Variants in PDE9A observed in about 807,000 individuals in gnomAD.
PDE9A encodes phosphodiesterase 9A.
In PDE9A, 60 loss-of-function variants were observed where a neutral mutation model predicts 87.4. The ratio of observed to expected loss-of-function variants is 0.69; its 90% CI spans 0.56 to 0.85. The LOEUF (loss-of-function observed/expected upper bound fraction) is 0.85, where lower values mean the gene tolerates loss of function less well. PDE9A is among the 40% of genes least tolerant of loss of function. The pLI is 0.00. For synonymous variants in PDE9A, 272 were observed against 279.4 expected, an observed-to-expected ratio of 0.97 and a Z score of 0.27; for missense variants, 665 against 779.0, an observed-to-expected ratio of 0.85 and a Z score of 1.74.
At chr21:42,769,589 CACACAGGCACACAAATGCACATGCAG>C (rs1347754002) in intron 17 of PDE9A, among the ~76,000 whole-genome samples, 16 of 150,142 alleles carry the variant, frequency 1.1e-4, no homozygotes, top group African/African-American at 2.2e-4. Context: ...CACACAGGTA[CACACAGGCACACAAATGCACATGCAG>C]GTACACATGC....
chr21:42,727,077 C>CAAAAAAAA (rs34249348), intron 4 of PDE9A, among the ~76,000 whole-genome samples: 2 of 81,686 alleles, frequency 2.4e-5, no homozygotes, highest in African/African-American at 9.7e-5. Flanking sequence ...TCTATTTCTA[C>CAAAAAAAA]AAAAAAAAAA....
At chr21:42,768,431 AG>A (rs2147178243) in intron 16 of PDE9A, 139 bp downstream of exon 16, 1 of 1,057,084 alleles carries the variant, frequency 9.5e-7, no homozygotes, top group Non-Finnish European at 1.3e-6. Context: ...GAAAGCCTTC[AG>A]GGTAAGCGTA....
intron 1 of PDE9A, among the ~76,000 whole-genome samples, chr21:42,680,307 A>G (rs144345780): frequency 8.5e-4 from 129 of 152,386 alleles, no homozygotes; most frequent in African/African-American, 2.8e-3. Flanking sequence ...GGCTTAAGGC[A>G]GCCCCCTGCT....
At chr21:42,761,038 C>T in intron 13 of PDE9A, 131 bp downstream of exon 13, 1 of 688,732 alleles carries the variant, frequency 1.5e-6, no homozygotes, top group Non-Finnish European at 2.6e-6. Flanking sequence ...CCCAACTCTG[C>T]CTCCACTGAC....
intron 4 of PDE9A, among the ~76,000 whole-genome samples, chr21:42,714,347 G>A (rs1043341661): frequency 7.9e-5 from 12 of 152,260 alleles, no homozygotes; most frequent in African/African-American, 1.9e-4. Context: ...AGATCTAAAC[G>A]TATCACATGC....
intron 7 of PDE9A, among the ~76,000 whole-genome samples, chr21:42,742,932 C>G (rs2053471668): frequency 6.6e-6 from 1 of 152,170 alleles, no homozygotes; most frequent in African/African-American, 2.4e-5. Flanking sequence ...CTCGTAGTCT[C>G]CAGCTGCGTG....
intron 16 of PDE9A, chr21:42,768,788 C>T (rs1602579344): frequency 1.0e-6 from 1 of 985,406 alleles, no homozygotes; most frequent in Non-Finnish European, 1.2e-6. Flanking sequence ...TCCTGGGATA[C>T]ATCCATCCAA....
intron 3 of PDE9A, chr21:42,697,355 A>C: frequency 1.0e-6 from 1 of 996,634 alleles, no homozygotes; most frequent in Non-Finnish European, 1.6e-6. Flanking sequence ...GCCCCCAGTT[A>C]ATCACCATGA....
At position 42,656,825 on chromosome 21, in the gene PDE9A, G is replaced by A. The variant is rs550857917; in HGVS notation, c.69+2942G>A. 7.2e-5 allele frequency among the ~76,000 whole-genome samples: 11 copies of A among 152,316 alleles called. 1 individual carries two copies. In the East Asian group the frequency reaches 1.5e-3, roughly 21 times the overall value. On this transcript the variant is annotated intron_variant, in intron 1 of 19. Coordinates refer to ENST00000291539, the MANE Select transcript of PDE9A (RefSeq NM_002606.3). ...TGCCCTGGAGTCCAACTGAGGCTCCGTTTTCAGTGCTCCCCTCTCATCTCG... is the reference window on the plus strand; with the variant it reads ...TGCCCTGGAGTCCAACTGAGGCTCCATTTTCAGTGCTCCCCTCTCATCTCG...
chr21:42,673,856 C>A (rs2058693971), intron 1 of PDE9A, among the ~76,000 whole-genome samples: 1 of 152,196 alleles, frequency 6.6e-6, no homozygotes, highest in Admixed American at 6.5e-5. Flanking sequence ...ACTCGCTGGC[C>A]TGCAGGACAT....
In PDE9A at chr21:42,722,488, G is replaced by A. The variant is rs1410848583; in HGVS notation, c.263-9282G>A. On this transcript the variant is annotated intron_variant, in intron 4 of 19. Coordinates refer to ENST00000291539, the MANE Select transcript of PDE9A (RefSeq NM_002606.3). The surrounding 1 kb of genome is among the most constrained non-coding windows in gnomAD (Gnocchi z 4.1). ...AGAATGGATCGTGCATGAGCTCCCA[G>A]GCCACACACACACGCCCTTGTGATG... 2.0e-5 allele frequency among the ~76,000 whole-genome samples: 3 copies of A among 152,158 alleles called. No homozygotes were observed. The highest frequency in any genetic ancestry group is 7.2e-5 in the African/African-American group (3 of 41,436).
chr21:42,662,333 C>T (rs1431154633), intron 1 of PDE9A, among the ~76,000 whole-genome samples: 1 of 152,038 alleles, frequency 6.6e-6, no homozygotes, highest in East Asian at 1.9e-4. Context: ...CTCTGCTTCC[C>T]AGGTTAGCTC....
chr21:42,761,096 A>C (rs1353743233), intron 13 of PDE9A, among the ~76,000 whole-genome samples, 189 bp downstream of exon 13: 1 of 152,126 alleles, frequency 6.6e-6, no homozygotes. Flanking sequence ...GTCTCCCCGG[A>C]GTAGGAACTT....
intron 1 of PDE9A, among the ~76,000 whole-genome samples, chr21:42,654,285 G>T (rs1051522754): frequency 1.3e-5 from 2 of 152,088 alleles, no homozygotes; most frequent in African/African-American, 4.8e-5. Flanking sequence ...GGTGCGGGGG[G>T]CGCCGGCGGG....
chr21:42,738,764 C>G (rs566455092), intron 7 of PDE9A, among the ~76,000 whole-genome samples: 1 of 152,322 alleles, frequency 6.6e-6, no homozygotes, highest in South Asian at 2.1e-4. Context: ...TGGCCCACTG[C>G]AACCTCCACC....
intron 3 of PDE9A, among the ~76,000 whole-genome samples, chr21:42,697,048 C>T (rs1373477473): frequency 6.6e-6 from 1 of 152,186 alleles, no homozygotes; most frequent in Non-Finnish European, 1.5e-5. Context: ...CACGCAGGCA[C>T]GTGGTGGGAG....
rs531438581 is a variant in PDE9A, at chr21:42,673,585, C to T, written c.70-12607C>T. ...CAGTTGGGCAAATCATAATAGTTTC[C>T]ATTATTTCATAAATTTGCATTTGTG... On this transcript the variant is annotated intron_variant, in intron 1 of 19. Transcript: ENST00000291539. Among the ~76,000 whole-genome samples, 3 of 152,320 alleles carry T rather than the reference C, an allele frequency of 2.0e-5. No homozygotes were observed. In the South Asian group the frequency reaches 6.2e-4, roughly 32 times the overall value.
intron 10 of PDE9A, among the ~76,000 whole-genome samples, chr21:42,755,768 G>A (rs1241939939): frequency 3.3e-5 from 5 of 152,192 alleles, no homozygotes; most frequent in East Asian, 3.9e-4. Context: ...CTCCCAGCCT[G>A]TGGGCAACCG....
rs536891749 is a variant in PDE9A at position 42,670,202 on chromosome 21, CAT to C, written c.70-15988_70-15987del. 3.5e-3 allele frequency among the ~76,000 whole-genome samples: 454 copies of C among 130,998 alleles called. 6 individuals carry two copies. The East Asian group carries it at 0.048, about 14-fold the overall frequency. The allele number at this position is 130,998 out of a possible 152,430, so 85.9% of individuals were successfully genotyped here. On this transcript the variant is annotated intron_variant, in intron 1 of 19. Transcript: ENST00000291539. ...ACATACACTTACACACATTCACACA[CAT>C]ACACTTACATTCACACACATACACT...
Sources: allele counts gnomAD v4.1 joint callset (sites outside exome capture counted in the v4.1 genomes callset), GRCh38; gene constraint gnomAD v4.1.1; non-coding constraint Gnocchi (gnomAD v3.1); transcripts MANE v1.5; gene names NCBI Gene and HGNC (gene_info 2026-07-23, HGNC 2026-07-21).